CSMD1: variants seen among roughly 807,000 people sequenced by gnomAD.
CSMD1 encodes the protein CUB and Sushi multiple domains 1.
A neutral mutation model predicts 417.5 loss-of-function variants in CSMD1; 213 were observed. That is an observed-to-expected ratio of 0.51 (90% CI 0.46 to 0.57). CSMD1 has a LOEUF of 0.57. Ranked by LOEUF, CSMD1 falls within the 20% of genes least tolerant of loss-of-function variation. The probability of loss-of-function intolerance (pLI) is 0.00; values close to 1 mark genes in which losing one functional copy is unlikely to be tolerated. For missense variants in CSMD1, 6,923 were observed against 4,529.7 expected (o/e 1.53, Z -15.17); for synonymous variants, 2,862 against 1,736.8 (o/e 1.65, Z -16.11).
intron 7 of CSMD1, among the ~76,000 whole-genome samples, chr8:3,703,478 T>G (rs1800989863): frequency 7.2e-6 from 1 of 138,340 alleles, no homozygotes; most frequent in South Asian, 2.3e-4. Context: ...ATTCATTCAT[T>G]CATCAGTAGA....
chr8:3,232,369 C>G (rs189770611), intron 26 of CSMD1, among the ~76,000 whole-genome samples: 2 of 152,310 alleles, frequency 1.3e-5, no homozygotes, highest in Admixed American at 6.5e-5. Context: ...CTCTCTCCCC[C>G]TTGCTTGTAT....
intron 1 of CSMD1, among the ~76,000 whole-genome samples, chr8:4,890,454 G>A (rs1178558175): frequency 1.4e-5 from 2 of 142,884 alleles, no homozygotes; most frequent in Non-Finnish European, 3.0e-5. Flanking sequence ...AGGTGAGAAC[G>A]TGACTCTGAC....
At chr8:3,030,373 C>A (rs1202707142) in intron 50 of CSMD1, among the ~76,000 whole-genome samples, 1 of 151,932 alleles carries the variant, frequency 6.6e-6, no homozygotes, top group Non-Finnish European at 1.5e-5. Flanking sequence ...AAATCAACCA[C>A]CAAGAAAATT....
intron 1 of CSMD1, among the ~76,000 whole-genome samples, chr8:4,645,651 G>A (rs1054228766): frequency 6.6e-6 from 1 of 152,050 alleles, no homozygotes; most frequent in East Asian, 1.9e-4. Context: ...GTCGAAGGTA[G>A]GAAGCAGGGG....
At chr8:3,098,640 G>A (rs1815506228) in intron 46 of CSMD1, among the ~76,000 whole-genome samples, 1 of 152,074 alleles carries the variant, frequency 6.6e-6, no homozygotes, top group South Asian at 2.1e-4. Context: ...TTCTGTGATG[G>A]TGACCTCATC....
intron 1 of CSMD1, among the ~76,000 whole-genome samples, chr8:4,733,308 C>G (rs1810020822): frequency 6.6e-6 from 1 of 152,148 alleles, no homozygotes; most frequent in African/African-American, 2.4e-5. Context: ...ATGTTGCCCT[C>G]AAAGCAAGCA....
intron 1 of CSMD1, among the ~76,000 whole-genome samples, chr8:4,888,096 T>G (rs571434545): frequency 6.6e-6 from 1 of 152,064 alleles, no homozygotes; most frequent in Non-Finnish European, 1.5e-5. Flanking sequence ...AATACATATG[T>G]ACACTCTTAA....
At chr8:3,864,512 C>T (rs190353399) in intron 5 of CSMD1, among the ~76,000 whole-genome samples, 1 of 152,170 alleles carries the variant, frequency 6.6e-6, no homozygotes, top group Non-Finnish European at 1.5e-5. Flanking sequence ...TACATGTGCA[C>T]AACGTGCAGG....
intron 5 of CSMD1, among the ~76,000 whole-genome samples, chr8:3,794,025 G>A (rs532647392): frequency 5.3e-5 from 8 of 152,228 alleles, no homozygotes; most frequent in South Asian, 2.1e-4. Context: ...GTAGACAGAC[G>A]AAAGACTTGC....
At chr8:3,850,997 G>T (rs1055300685) in intron 5 of CSMD1, among the ~76,000 whole-genome samples, 1 of 152,174 alleles carries the variant, frequency 6.6e-6, no homozygotes, top group East Asian at 1.9e-4. Flanking sequence ...CTTCAGCTTA[G>T]ATAAATATCT....
chr8:4,746,428 C>T (rs531362782), intron 1 of CSMD1, among the ~76,000 whole-genome samples: 2 of 152,112 alleles, frequency 1.3e-5, no homozygotes, highest in African/African-American at 4.8e-5. Flanking sequence ...TTTCTTCTTG[C>T]GAATGGAAGT....
At chr8:4,201,124 C>A (rs972593820) in intron 3 of CSMD1, among the ~76,000 whole-genome samples, 61 of 152,206 alleles carry the variant, frequency 4.0e-4, no homozygotes, top group African/African-American at 1.4e-3. Flanking sequence ...CTTTGCATAT[C>A]AATTACAGAT....
chr8:3,533,756 T>C (rs1423256287), intron 10 of CSMD1, among the ~76,000 whole-genome samples: 1 of 152,158 alleles, frequency 6.6e-6, no homozygotes, highest in East Asian at 1.9e-4. Flanking sequence ...GCTTGAGGCA[T>C]CTCTTTTACT....
chr8:4,427,601 G>T (rs182048591), intron 2 of CSMD1, among the ~76,000 whole-genome samples: 1 of 151,988 alleles, frequency 6.6e-6, no homozygotes. Flanking sequence ...AGAGAGACTC[G>T]AAGTAAAAAT....
At chr8:3,331,305 C>T (rs17080027) in intron 23 of CSMD1, among the ~76,000 whole-genome samples, 16,110 of 151,198 alleles carry the variant, frequency 0.11, 1,176 homozygotes, top group African/African-American at 0.2. Context: ...GAGCAACTAA[C>T]GTTGATATCT....
At chr8:4,464,591 A>G (rs1463055181) in intron 2 of CSMD1, among the ~76,000 whole-genome samples, 1 of 152,188 alleles carries the variant, frequency 6.6e-6, no homozygotes, top group Admixed American at 6.5e-5. Context: ...GTTTCTACTG[A>G]ACGTGTTATT....
rs940835899 is a variant in CSMD1, at chr8:4,079,620, G to A, written c.416-47521C>T. Among the ~76,000 whole-genome samples the A allele has an allele frequency of 3.9e-5, 6 of 152,190 alleles. No individual in the cohort carries two copies. In the East Asian group the frequency reaches 9.6e-4, roughly 24 times the overall value. ...AAAGCATTAAAGATTTCTTCATGGA[G>A]AATTAGCTAAATTGATACACAGACA... On this transcript the variant is annotated intron_variant, in intron 3 of 69. Coordinates refer to ENST00000635120, the MANE Select transcript of CSMD1 (RefSeq NM_033225.6).
intron 35 of CSMD1, 80 bp from the exon 36 acceptor site, chr8:3,188,045 T>TGGGG: frequency 2.2e-6 from 2 of 911,122 alleles, no homozygotes; most frequent in Non-Finnish European, 3.4e-6. Flanking sequence ...TTGGGGTTTT[T>TGGGG]CATGATTAAG....
At chr8:3,832,179 G>A (rs1056509665) in intron 5 of CSMD1, among the ~76,000 whole-genome samples, 1 of 152,114 alleles carries the variant, frequency 6.6e-6, no homozygotes, top group African/African-American at 2.4e-5. Flanking sequence ...GCAAACAGCC[G>A]TGGAGGCTGA....
Sources: allele counts gnomAD v4.1 joint callset (sites outside exome capture counted in the v4.1 genomes callset), GRCh38; gene constraint gnomAD v4.1.1; transcripts MANE v1.5; gene names NCBI Gene and HGNC (gene_info 2026-07-23, HGNC 2026-07-21).